Variants in BNC2 observed in about 807,000 individuals in gnomAD.
BNC2 encodes basonuclin zinc finger protein 2.
A neutral mutation model predicts 76.3 loss-of-function variants in BNC2; 20 were observed. The ratio of observed to expected loss-of-function variants is 0.26; its 90% CI spans 0.18 to 0.38. The LOEUF (loss-of-function observed/expected upper bound fraction) is 0.38, where lower values mean the gene tolerates loss of function less well. BNC2 is among the 10% of genes least tolerant of loss of function. The pLI is 1.00. For synonymous variants in BNC2, 582 were observed against 514.8 expected (o/e 1.13, Z -1.77); for missense variants, 1,382 against 1,399.8 (o/e 0.99, Z 0.20).
intron 5 of BNC2, among the ~76,000 whole-genome samples, chr9:16,492,721 A>ATTTTT (rs59536317): frequency 2.1e-5 from 3 of 140,214 alleles, no homozygotes; most frequent in Admixed American, 7.1e-5. Flanking sequence ...AGGCCTGCCC[A>ATTTTT]TTTTTTTTTT....
intron 5 of BNC2, among the ~76,000 whole-genome samples, chr9:16,524,246 C>G (rs1330134630): frequency 6.6e-6 from 1 of 152,188 alleles, no homozygotes; most frequent in Admixed American, 6.5e-5. Context: ...ACTGATGAAA[C>G]TGTAATGAAG....
intron 3 of BNC2, among the ~76,000 whole-genome samples, chr9:16,699,542 T>A (rs1220540257): frequency 6.6e-6 from 1 of 152,194 alleles, no homozygotes; most frequent in African/African-American, 2.4e-5. Flanking sequence ...AGGCCAAGTA[T>A]GTACATGATG....
chr9:16,627,372 G>A (rs1157677780), intron 3 of BNC2, among the ~76,000 whole-genome samples: 1 of 152,140 alleles, frequency 6.6e-6, no homozygotes, highest in Non-Finnish European at 1.5e-5. Flanking sequence ...CCTATGTAAG[G>A]AGAACACAAC....
chr9:16,674,376 C>G (rs373535362), intron 3 of BNC2, among the ~76,000 whole-genome samples: 2 of 152,142 alleles, frequency 1.3e-5, no homozygotes, highest in East Asian at 3.9e-4. Flanking sequence ...GACCCACTTA[C>G]AATACACCAT....
intron 1 of BNC2, among the ~76,000 whole-genome samples, chr9:16,791,488 T>A (rs1325507725): frequency 6.6e-6 from 1 of 152,092 alleles, no homozygotes; most frequent in Non-Finnish European, 1.5e-5. Context: ...ATATCTGCAT[T>A]TAGCAAATAC....
At chr9:16,649,829 T>C (rs2133936644) in intron 3 of BNC2, among the ~76,000 whole-genome samples, 1 of 152,312 alleles carries the variant, frequency 6.6e-6, no homozygotes, top group Non-Finnish European at 1.5e-5. Flanking sequence ...GCTCAGCCTA[T>C]ACTAACATGC....
chr9:16,631,012 T>C (rs1408010421), intron 3 of BNC2, among the ~76,000 whole-genome samples: 1 of 152,118 alleles, frequency 6.6e-6, no homozygotes, highest in African/African-American at 2.4e-5. Context: ...GTGGTGAGAT[T>C]ATAGGCATGA....
intron 1 of BNC2, among the ~76,000 whole-genome samples, chr9:16,791,416 GTAT>G (rs1817509325): frequency 6.6e-6 from 1 of 152,152 alleles, no homozygotes; most frequent in Non-Finnish European, 1.5e-5. Flanking sequence ...TGAGGGACTA[GTAT>G]TATTTAGTTA....
At chr9:16,865,204 G>A (rs981309513) in intron 1 of BNC2, among the ~76,000 whole-genome samples, 1 of 151,888 alleles carries the variant, frequency 6.6e-6, no homozygotes, top group Non-Finnish European at 1.5e-5. Flanking sequence ...AGACAATACT[G>A]TACATTTTGA....
At chr9:16,465,831 G>A (rs144212077) in intron 5 of BNC2, among the ~76,000 whole-genome samples, 74 of 152,084 alleles carry the variant, frequency 4.9e-4, no homozygotes, top group African/African-American at 1.8e-3. Context: ...TCTGGCCAGG[G>A]CATTCAGGCA....
intron 1 of BNC2, 32 bp downstream of exon 1, chr9:16,870,614 A>C: frequency 6.2e-7 from 1 of 1,609,482 alleles, no homozygotes; most frequent in East Asian, 2.2e-5. Flanking sequence ...GAAGTCTAGA[A>C]TAAAAGAGGA....
intron 1 of BNC2, among the ~76,000 whole-genome samples, chr9:16,816,873 G>A (rs1303284987): frequency 1.3e-5 from 2 of 152,254 alleles, no homozygotes; most frequent in East Asian, 3.9e-4. Flanking sequence ...CTGGAAGAGT[G>A]AATTTAAGGC....
intron 1 of BNC2, among the ~76,000 whole-genome samples, chr9:16,796,431 G>A (rs957558405): frequency 7.2e-5 from 11 of 152,052 alleles, no homozygotes; most frequent in African/African-American, 2.7e-4. Context: ...GAAGTCTCAG[G>A]AAGCAAGGAA....
chr9:16,836,885 T>C lies in BNC2; in HGVS notation c.3+33761A>G, dbSNP rs577386258. On this transcript the variant is annotated intron_variant, in intron 1 of 6. Transcript: ENST00000380672. ...AAAGGCCCTTGGGCTGTCCACAGCA[T>C]TGAGTGATAGCAGGCCACTTATATT... Among the ~76,000 whole-genome samples, 4 of 152,300 alleles carry C rather than the reference T, an allele frequency of 2.6e-5. No individual in the cohort carries two copies. In the East Asian group the frequency reaches 7.7e-4, roughly 29 times the overall value.
chr9:16,571,604 G>C (rs1780767808), intron 4 of BNC2, among the ~76,000 whole-genome samples: 1 of 151,700 alleles, frequency 6.6e-6, no homozygotes. Flanking sequence ...GTTTCCCCTT[G>C]TCTCCTGTCT....
intron 5 of BNC2, among the ~76,000 whole-genome samples, chr9:16,543,705 G>A (rs1036829285): frequency 8.5e-5 from 13 of 152,128 alleles, no homozygotes; most frequent in South Asian, 2.1e-4. Flanking sequence ...TTTCATTGCC[G>A]TTCAAATAGT....
rs577410213 is a variant in BNC2, at chr9:16,797,010, T to C, written c.4-58525A>G. Among the ~76,000 whole-genome samples, 6 of 152,336 alleles carry C rather than the reference T, an allele frequency of 3.9e-5. No individual in the cohort carries two copies. In the East Asian group the frequency reaches 7.7e-4, roughly 20 times the overall value. Reference sequence around the variant, plus strand: ...GCTTTTGTTAAGGTAGCTACCTGACTACCTCACAAAATATGGTGTTGGTAG... The same window carrying C: ...GCTTTTGTTAAGGTAGCTACCTGACCACCTCACAAAATATGGTGTTGGTAG... On this transcript the variant is annotated intron_variant, in intron 1 of 6. Transcript: ENST00000380672.
At chr9:16,526,564 T>C (rs576497029) in intron 5 of BNC2, among the ~76,000 whole-genome samples, 1 of 143,708 alleles carries the variant, frequency 7.0e-6, no homozygotes, top group African/African-American at 2.6e-5. Context: ...TGCCAAGATA[T>C]ATCCTCAGAC....
intron 3 of BNC2, among the ~76,000 whole-genome samples, chr9:16,666,181 AT>A (rs200775114): frequency 3.3e-5 from 5 of 151,652 alleles, no homozygotes; most frequent in South Asian, 2.1e-4. Flanking sequence ...CATAAAATAC[AT>A]TTTTTTTTCT....
Sources: allele counts gnomAD v4.1 joint callset (sites outside exome capture counted in the v4.1 genomes callset), GRCh38; gene constraint gnomAD v4.1.1; transcripts MANE v1.5; gene names NCBI Gene and HGNC (gene_info 2026-07-23, HGNC 2026-07-21).